Variants in TOR1AIP2 observed in about 807,000 individuals in gnomAD.
TOR1AIP2 encodes the protein torsin 1A interacting protein 2, also known as torsin-1A-interacting protein 2.
Under a neutral mutation model 32.6 loss-of-function variants are expected in TOR1AIP2, and 20 were observed. The observed-to-expected ratio is 0.61, with a 90% CI of 0.43 to 0.89. The LOEUF (loss-of-function observed/expected upper bound fraction) is 0.89. Ranked by LOEUF, TOR1AIP2 falls within the 40% of genes least tolerant of loss-of-function variation. The probability of loss-of-function intolerance (pLI) is 0.00; values close to 1 mark genes in which losing one functional copy is unlikely to be tolerated. For synonymous variants in TOR1AIP2, 214 were observed against 210.8 expected (o/e 1.02, Z -0.13); for missense variants, 456 against 553.8 (o/e 0.82, Z 1.77).
intron 6 of TOR1AIP2, among the ~76,000 whole-genome samples, chr1:179,847,222 A>G (rs1164838113): frequency 2.0e-5 from 3 of 152,176 alleles, no homozygotes; most frequent in African/African-American, 7.2e-5. Context: ...TTTAGGAGTC[A>G]TAACTTTAAA....
chr1:179,849,784 A>C (rs1357038881), intron 5 of TOR1AIP2, among the ~76,000 whole-genome samples: 1 of 152,260 alleles, frequency 6.6e-6, no homozygotes, highest in Non-Finnish European at 1.5e-5. Context: ...GACGCAGGTC[A>C]TGGTCCTTAC....
intron 3 of TOR1AIP2, chr1:179,863,284 C>A: frequency 1.0e-6 from 1 of 984,292 alleles, no homozygotes; most frequent in Non-Finnish European, 1.2e-6. Flanking sequence ...GTGGCCTACC[C>A]AGGCAATGCT....
intron 3 of TOR1AIP2, among the ~76,000 whole-genome samples, chr1:179,853,489 GTTCT>G (rs910426651): frequency 4.6e-5 from 7 of 151,940 alleles, no homozygotes; most frequent in Admixed American, 2.6e-4. Context: ...ATATTTTATA[GTTCT>G]TTTTTTTGTC....
intron 3 of TOR1AIP2, chr1:179,862,393 A>C (rs914317993): frequency 2.1e-5 from 21 of 985,134 alleles, no homozygotes; most frequent in Non-Finnish European, 2.4e-5. Flanking sequence ...TAGGATAGTG[A>C]AATTCTTCAT....
rs1343304061 is a variant in TOR1AIP2, at chr1:179,842,343, A to G, written c.*3728T>C. The G allele has an allele frequency of 6.6e-6, 1 of 152,228 alleles. No homozygotes were observed. The highest frequency in any genetic ancestry group is 1.5e-5 in the Non-Finnish European group (1 of 68,042). 9.4% of individuals were successfully genotyped at this position (152,228 alleles called of 1,614,324 possible). A position where few individuals can be genotyped will look rare whatever the true frequency, so the allele number is the denominator to read the frequency against. ...CATACACTTGGGGGCTTCCAAATGAAATGTATTGAAATGTCTTTATTGATT... is the reference window on the plus strand; with the variant it reads ...CATACACTTGGGGGCTTCCAAATGAGATGTATTGAAATGTCTTTATTGATT... On this transcript the variant is annotated 3_prime_UTR_variant, in exon 7 of 7. Coordinates refer to ENST00000609928, the MANE Select transcript of TOR1AIP2 (RefSeq NM_001199260.2).
chr1:179,859,032 G>A, intron 3 of TOR1AIP2: 2 of 981,490 alleles, frequency 2.0e-6, no homozygotes, highest in South Asian at 4.7e-5. Context: ...AGTTGGGGTA[G>A]AATTAAGTAT....
At chr1:179,857,631 C>T (rs1696355274) in intron 3 of TOR1AIP2, among the ~76,000 whole-genome samples, 2 of 152,046 alleles carry the variant, frequency 1.3e-5, no homozygotes, top group Admixed American at 6.6e-5. Context: ...TGTGGTATAC[C>T]AAATGACTTT....
intron 5 of TOR1AIP2, among the ~76,000 whole-genome samples, chr1:179,849,259 T>C (rs1696031333): frequency 6.6e-6 from 1 of 152,264 alleles, no homozygotes; most frequent in African/African-American, 2.4e-5. Context: ...TGCATTTTTT[T>C]TTTTAAAGAC....
rs1442155910 is a variant in TOR1AIP2, at chr1:179,850,094, A to G, written c.553+751T>C. Among the ~76,000 whole-genome samples the G allele has an allele frequency of 1.5e-3, 225 of 152,338 alleles. 1 individual carries two copies. Among genetic ancestry groups the G allele is most frequent in the African/African-American group, 5.3e-3 (221 of 41,566 alleles). On this transcript the variant is annotated intron_variant, in intron 5 of 6. Coordinates refer to ENST00000609928, the MANE Select transcript of TOR1AIP2 (RefSeq NM_001199260.2). ...GTGCTTATAAAATACAAACCCACAC[A>G]GACAATCACAGAAGGTGAAAGTTAG...
intron 3 of TOR1AIP2, chr1:179,864,593 C>T: frequency 1.5e-6 from 2 of 1,359,336 alleles, no homozygotes; most frequent in Non-Finnish European, 1.9e-6. Context: ...GATGAACAGG[C>T]TGGCTGGAAT....
At chr1:179,856,157 G>A (rs1160669380) in intron 3 of TOR1AIP2, among the ~76,000 whole-genome samples, 3 of 152,118 alleles carry the variant, frequency 2.0e-5, no homozygotes, top group Non-Finnish European at 4.4e-5. Context: ...CTGGGCGACA[G>A]AGCAAAACTC....
intron 2 of TOR1AIP2, among the ~76,000 whole-genome samples, chr1:179,870,084 A>G (rs1189832629): frequency 6.6e-6 from 1 of 152,198 alleles, no homozygotes; most frequent in African/African-American, 2.4e-5. Flanking sequence ...GGAGTCCTGA[A>G]TCCTCTGAAA....
chr1:179,847,726 T>A, intron 5 of TOR1AIP2, 90 bp from the exon 6 acceptor site: 1 of 926,556 alleles, frequency 1.1e-6, no homozygotes, highest in East Asian at 2.5e-5. Flanking sequence ...CAAAGAATGA[T>A]TTGACTAAAA....
chr1:179,863,654 C>A lies in TOR1AIP2; in HGVS notation c.-147+1782G>T, dbSNP rs1440003206. 3.1e-6 allele frequency: 3 copies of A among 960,312 alleles called. No individual in the cohort carries two copies. The African/African-American group carries it at 6.0e-5, about 19-fold the overall frequency. The allele number at this position is 960,312 out of a possible 1,614,324, so 59.5% of individuals were successfully genotyped here. A position where few individuals can be genotyped will look rare whatever the true frequency, so the allele number is the denominator to read the frequency against. On this transcript the variant is annotated intron_variant, in intron 3 of 6. Coordinates refer to ENST00000609928, the MANE Select transcript of TOR1AIP2 (RefSeq NM_001199260.2). ...GACCAGCCTGGGTCATACAGCAAGA[C>A]TCTGTCACTATTTTTTAAAAAGCAA... is the stretch of plus-strand genomic sequence containing the variant.
At position 179,845,631 on chromosome 1, in the gene TOR1AIP2, A is replaced by C. The variant is rs1695874541; in HGVS notation, c.*440T>G. On this transcript the variant is annotated 3_prime_UTR_variant, in exon 7 of 7. Transcript: ENST00000609928. The stretch of plus-strand genomic sequence containing the variant: ...GAAAATATTCAACATGTGATAGAAA[A>C]ATTTTCTAAAGGTTATCATTGCTTC... 6.5e-6 allele frequency: 1 copy of C among 153,660 alleles called. No homozygotes were observed. The highest frequency in any genetic ancestry group is 2.4e-5 in the African/African-American group (1 of 41,472). The allele number at this position is 153,660 out of a possible 1,614,324, so 9.5% of individuals were successfully genotyped here.
intron 2 of TOR1AIP2, among the ~76,000 whole-genome samples, chr1:179,866,255 C>T (rs1229126902): frequency 6.7e-6 from 1 of 150,092 alleles, no homozygotes. Flanking sequence ...AGGTTTCAAT[C>T]CATCCAAAAA....
chr1:179,867,959 T>G (rs1696853920), intron 2 of TOR1AIP2: 1 of 152,218 alleles, frequency 6.6e-6, no homozygotes, highest in Admixed American at 6.5e-5. Context: ...TACCACCCAT[T>G]ACCAGCTTCC....
chr1:179,876,698 A>G (rs1231742282), intron 2 of TOR1AIP2, among the ~76,000 whole-genome samples: 1 of 152,140 alleles, frequency 6.6e-6, no homozygotes, highest in African/African-American at 2.4e-5. Flanking sequence ...CAAAGAAAGG[A>G]TCTCTCATAC....
At chr1:179,869,567 C>T (rs1176377615) in intron 2 of TOR1AIP2, among the ~76,000 whole-genome samples, 3 of 152,154 alleles carry the variant, frequency 2.0e-5, no homozygotes, top group Admixed American at 2.0e-4. Context: ...AGTTAATCTG[C>T]TCAGAGGCAA....
Sources: gnomAD v4.1 joint callset for allele counts (sites outside exome capture counted in the v4.1 genomes callset) on GRCh38, gnomAD v4.1.1 for gene constraint, MANE v1.5 for transcripts, NCBI Gene and HGNC (gene_info 2026-07-23, HGNC 2026-07-21) for gene names.